Variants in SLC35F1 observed in about 807,000 individuals in gnomAD.
SLC35F1 encodes chromosome 6 open reading frame 169.
In SLC35F1, 14 loss-of-function variants were observed where a neutral mutation model predicts 48.7. That is an observed-to-expected ratio of 0.29 (90% CI 0.19 to 0.45). SLC35F1 has a LOEUF of 0.45. Among genes scored for constraint, SLC35F1 ranks in the 20% least tolerant of loss-of-function variants. SLC35F1 has a pLI of 1.00. For missense variants in SLC35F1, 404 were observed against 500.0 expected, an observed-to-expected ratio of 0.81 and a Z score of 1.83; for synonymous variants, 190 against 202.2, an observed-to-expected ratio of 0.94 and a Z score of 0.51.
intron 1 of SLC35F1, among the ~76,000 whole-genome samples, chr6:118,074,075 C>T (rs987516216): frequency 2.6e-5 from 4 of 152,104 alleles, no homozygotes; most frequent in African/African-American, 9.7e-5. Context: ...TTTGTTACAG[C>T]ATGTTTTTAT....
intron 2 of SLC35F1, among the ~76,000 whole-genome samples, chr6:118,188,050 T>C (rs1239769079): frequency 6.6e-6 from 1 of 152,210 alleles, no homozygotes; most frequent in African/African-American, 2.4e-5. Context: ...GCAATAATGC[T>C]ATGGGGTCAC....
chr6:118,000,487 A>G (rs1777075547), intron 1 of SLC35F1, among the ~76,000 whole-genome samples: 1 of 152,194 alleles, frequency 6.6e-6, no homozygotes, highest in Admixed American at 6.5e-5. Context: ...CCCACGGCCA[A>G]TATCATACTG....
At chr6:118,302,130 T>C (rs1223566613) in intron 7 of SLC35F1, among the ~76,000 whole-genome samples, 1 of 152,144 alleles carries the variant, frequency 6.6e-6, no homozygotes, top group Admixed American at 6.6e-5. Flanking sequence ...TATAAGGATA[T>C]CTGTAGCATA....
chr6:118,092,998 T>G (rs1443691801), intron 1 of SLC35F1, among the ~76,000 whole-genome samples: 1 of 152,118 alleles, frequency 6.6e-6, no homozygotes, highest in Admixed American at 6.5e-5. Flanking sequence ...TTTGGGAGAC[T>G]GTTGGAAAGG....
intron 1 of SLC35F1, among the ~76,000 whole-genome samples, chr6:118,141,566 G>A (rs187234256): frequency 6.6e-6 from 1 of 152,160 alleles, no homozygotes; most frequent in Admixed American, 6.5e-5. Flanking sequence ...TCCTGTGAGG[G>A]GCCCCCTTCC....
intron 1 of SLC35F1, among the ~76,000 whole-genome samples, chr6:118,140,457 G>A (rs1045121366): frequency 3.3e-5 from 5 of 152,090 alleles, no homozygotes; most frequent in African/African-American, 7.2e-5. Context: ...GCTGGCAGTC[G>A]TACAAAAGTA....
chr6:117,943,183 G>A (rs1776254085), intron 1 of SLC35F1, among the ~76,000 whole-genome samples: 1 of 152,176 alleles, frequency 6.6e-6, no homozygotes, highest in Non-Finnish European at 1.5e-5. Context: ...CGTGACATGT[G>A]TATCTCTAAC....
chr6:118,002,939 G>T lies in SLC35F1; in HGVS notation c.173+95040G>T, dbSNP rs1777123689. On this transcript the variant is annotated intron_variant, in intron 1 of 7. Coordinates refer to ENST00000360388, the MANE Select transcript of SLC35F1 (RefSeq NM_001029858.4). ...TTTCAGTTATATGTGCATTCTCAAG[G>T]GTTACTTCACCTCTTTACACCTCCC... Among the ~76,000 whole-genome samples, 5 of 152,026 alleles carry T rather than the reference G, an allele frequency of 3.3e-5. No homozygotes were observed. In the South Asian group the frequency reaches 1.0e-3, roughly 32 times the overall value.
At chr6:117,984,536 A>G (rs1776825100) in intron 1 of SLC35F1, among the ~76,000 whole-genome samples, 1 of 152,078 alleles carries the variant, frequency 6.6e-6, no homozygotes, top group Non-Finnish European at 1.5e-5. Context: ...ATGACACATA[A>G]ATGTATATGA....
At chr6:118,290,464 A>G (rs888275792) in intron 7 of SLC35F1, among the ~76,000 whole-genome samples, 3 of 151,374 alleles carry the variant, frequency 2.0e-5, no homozygotes, top group Admixed American at 6.6e-5. Context: ...AATAAACACT[A>G]CCTTGTATTG....
At chr6:118,288,846 A>C (rs1776082967) in intron 7 of SLC35F1, among the ~76,000 whole-genome samples, 1 of 151,930 alleles carries the variant, frequency 6.6e-6, no homozygotes, top group African/African-American at 2.4e-5. Context: ...TCACCTAGTC[A>C]CTCACCCCTA....
chr6:118,121,985 A>G (rs1476910113), intron 1 of SLC35F1, among the ~76,000 whole-genome samples: 1 of 152,024 alleles, frequency 6.6e-6, no homozygotes, highest in East Asian at 1.9e-4. Flanking sequence ...TGAGGGAGAG[A>G]TTTCCCCCCA....
chr6:118,143,340 G>A (rs1159148003), intron 1 of SLC35F1, among the ~76,000 whole-genome samples: 2 of 152,088 alleles, frequency 1.3e-5, no homozygotes, highest in Non-Finnish European at 2.9e-5. Context: ...ATTTAGCAAT[G>A]TATAAAGAAA....
chr6:118,305,690 A>G (rs886515905), intron 7 of SLC35F1, among the ~76,000 whole-genome samples: 3 of 152,174 alleles, frequency 2.0e-5, no homozygotes, highest in Non-Finnish European at 4.4e-5. Flanking sequence ...AATATTATAT[A>G]ATGTTATCTT....
At chr6:118,000,972 A>T (rs1477694436) in intron 1 of SLC35F1, among the ~76,000 whole-genome samples, 1 of 152,066 alleles carries the variant, frequency 6.6e-6, no homozygotes, top group African/African-American at 2.4e-5. Context: ...ATGGAAGAAC[A>T]TTCCATGCTC....
At chr6:118,243,242 T>G (rs371806909) in intron 3 of SLC35F1, among the ~76,000 whole-genome samples, 2 of 152,218 alleles carry the variant, frequency 1.3e-5, no homozygotes, top group South Asian at 4.1e-4. Flanking sequence ...GCCAAGTTGT[T>G]TATACTTTTT....
intron 7 of SLC35F1, among the ~76,000 whole-genome samples, chr6:118,295,767 A>G (rs972477675): frequency 6.6e-6 from 1 of 152,206 alleles, no homozygotes; most frequent in African/African-American, 2.4e-5. Flanking sequence ...AATTAGAAAT[A>G]GGAGATTTAA....
chr6:118,024,189 C>T (rs1317372726), intron 1 of SLC35F1, among the ~76,000 whole-genome samples: 1 of 152,146 alleles, frequency 6.6e-6, no homozygotes, highest in African/African-American at 2.4e-5. Flanking sequence ...GTTAGCTAGA[C>T]AGGGAGGAGT....
At chr6:117,966,307 G>A (rs560034884) in intron 1 of SLC35F1, among the ~76,000 whole-genome samples, 55 of 152,164 alleles carry the variant, frequency 3.6e-4, no homozygotes, top group African/African-American at 1.2e-3. Context: ...CTTCAGCTTC[G>A]CTCCTGAAGT....
Sources: allele counts gnomAD v4.1 joint callset (sites outside exome capture counted in the v4.1 genomes callset), GRCh38; gene constraint gnomAD v4.1.1; transcripts MANE v1.5; gene names NCBI Gene and HGNC (gene_info 2026-07-23, HGNC 2026-07-21).